The following KIF26B variants were observed in gnomAD, a reference collection of about 807,000 sequenced individuals.
KIF26B encodes kinesin family member 26B, also known as kinesin-like protein KIF26B.
In KIF26B, 63 loss-of-function variants were observed where a neutral mutation model predicts 151.2. The ratio of observed to expected loss-of-function variants is 0.42; its 90% CI spans 0.34 to 0.51. The LOEUF (loss-of-function observed/expected upper bound fraction) is 0.51, where lower values mean the gene tolerates loss of function less well. Among genes scored for constraint, KIF26B ranks in the 20% least tolerant of loss-of-function variants. KIF26B has a pLI of 0.07. For missense variants in KIF26B, 2,813 were observed against 2,913.6 expected (o/e 0.97, Z 0.79); for synonymous variants, 1,357 against 1,262.1 (o/e 1.08, Z -1.59).
In KIF26B at chr1:245,170,278, G is replaced by T. The variant is rs1022370870; in HGVS notation, c.465+13595G>T. 1.3e-5 allele frequency among the ~76,000 whole-genome samples: 2 copies of T among 152,132 alleles called. No homozygotes were observed. The highest frequency in any genetic ancestry group is 1.3e-4 in the Admixed American group (2 of 15,272). ...AGCGCCTTCACCTCGGTGGAGCTTA[G>T]TCTAGGCATTTATGGGTCGGCTGGT... is the stretch of plus-strand genomic sequence containing the variant. On this transcript the variant is annotated intron_variant, in intron 2 of 14. Coordinates refer to ENST00000407071, the MANE Select transcript of KIF26B (RefSeq NM_018012.4). This position sits in a 1 kb window ranked among gnomAD's most constrained non-coding sequence, Gnocchi z 4.4.
intron 5 of KIF26B, among the ~76,000 whole-genome samples, chr1:245,594,475 T>G (rs1383871571): frequency 6.6e-6 from 1 of 152,212 alleles, no homozygotes. Context: ...ACCAGATTAT[T>G]GTAGATGTGT....
chr1:245,282,676 C>G (rs1404003856), intron 2 of KIF26B, among the ~76,000 whole-genome samples: 3 of 152,214 alleles, frequency 2.0e-5, no homozygotes, highest in African/African-American at 7.2e-5. Flanking sequence ...CCTCCAGCCT[C>G]TGTATACCTA....
chr1:245,298,342 T>C (rs1190859093), intron 2 of KIF26B, among the ~76,000 whole-genome samples: 1 of 152,210 alleles, frequency 6.6e-6, no homozygotes, highest in Non-Finnish European at 1.5e-5. Context: ...GGAGAAAGAA[T>C]GAAAGATACG....
rs2043412620 is a variant in KIF26B, at chr1:245,602,847, C to T, written c.1557+64C>T. 2 of 1,477,874 alleles carry T rather than the reference C, an allele frequency of 1.4e-6. No homozygotes were observed. Among genetic ancestry groups the T allele is most frequent in the Admixed American group, 1.7e-5 (1 of 59,656 alleles). 91.5% of individuals were successfully genotyped at this position (1,477,874 alleles called of 1,614,324 possible). ...TGAAAGGGCAACGTTTACTCATTCA[C>T]AAGGGCCCTTGAGCTGGGAGGGTGT... On this transcript the variant is annotated intron_variant, in intron 6 of 14. Coordinates refer to ENST00000407071, the MANE Select transcript of KIF26B (RefSeq NM_018012.4). This position sits in a 1 kb window ranked among gnomAD's most constrained non-coding sequence, Gnocchi z 4.5.
At chr1:245,689,944 A>G (rs1013037472) in intron 12 of KIF26B, among the ~76,000 whole-genome samples, 6 of 152,158 alleles carry the variant, frequency 3.9e-5, no homozygotes, top group Non-Finnish European at 7.3e-5. Flanking sequence ...TGTTAATTGG[A>G]GTCTTGGGTG....
intron 4 of KIF26B, among the ~76,000 whole-genome samples, chr1:245,521,186 A>T (rs1022781454): frequency 2.0e-5 from 3 of 152,056 alleles, no homozygotes; most frequent in African/African-American, 7.3e-5. Context: ...AAATACAAAA[A>T]ATTAGCCAGG....
At position 245,611,867 on chromosome 1, in the gene KIF26B, C is replaced by T; in HGVS notation, c.1989C>T (p.Ser663=). The T allele has an allele frequency of 6.2e-7, 1 of 1,613,892 alleles. No homozygotes were observed. The change falls in exon 9 of 15, where the codon TCC becomes TCT. Residue 663 remains serine, a synonymous_variant. Coordinates refer to ENST00000407071, the MANE Select transcript of KIF26B (RefSeq NM_018012.4). ...AAFFLDAAIA[S]RRSHQQDCDE... ...TTTTCCTGGATGCCGCCATTGCCTC[C>T]CGCAGGAGCCACCAACAGGACTGTG...
intron 9 of KIF26B, among the ~76,000 whole-genome samples, chr1:245,626,364 T>A (rs1411841413): frequency 6.6e-6 from 1 of 151,662 alleles, no homozygotes; most frequent in Non-Finnish European, 1.5e-5. Flanking sequence ...TGTGTAAGAG[T>A]TCCCTTTACT....
chr1:245,298,812 C>T, intron 2 of KIF26B, among the ~76,000 whole-genome samples: 1 of 152,192 alleles, frequency 6.6e-6, no homozygotes, highest in Non-Finnish European at 1.5e-5. Context: ...ATCCAGAAAA[C>T]ATCAGGGATG....
chr1:245,664,662 G>T (rs2044193899), intron 10 of KIF26B, among the ~76,000 whole-genome samples: 1 of 152,016 alleles, frequency 6.6e-6, no homozygotes. Flanking sequence ...CTTAATAAAA[G>T]AAAATACATC....
chr1:245,235,083 G>A (rs1670080354), intron 2 of KIF26B, among the ~76,000 whole-genome samples: 1 of 152,188 alleles, frequency 6.6e-6, no homozygotes, highest in African/African-American at 2.4e-5. Flanking sequence ...ACTGCGCTGG[G>A]TTGAGTTGCC....
At chr1:245,317,072 T>C (rs1309054181) in intron 2 of KIF26B, among the ~76,000 whole-genome samples, 2 of 152,232 alleles carry the variant, frequency 1.3e-5, no homozygotes, top group Non-Finnish European at 2.9e-5. Flanking sequence ...GGAATTTTCC[T>C]GCTGTGTTGT....
intron 2 of KIF26B, among the ~76,000 whole-genome samples, chr1:245,210,311 C>A (rs910859863): frequency 6.6e-6 from 1 of 152,192 alleles, no homozygotes; most frequent in Admixed American, 6.5e-5. Flanking sequence ...TCCAACCAGC[C>A]GGGGCAGCTG....
intron 2 of KIF26B, among the ~76,000 whole-genome samples, chr1:245,230,030 G>A (rs1669959830): frequency 1.3e-5 from 2 of 152,126 alleles, no homozygotes; most frequent in Non-Finnish European, 2.9e-5. Context: ...CTACTCTGGA[G>A]GCTGAGGCAG....
intron 4 of KIF26B, among the ~76,000 whole-genome samples, chr1:245,438,141 G>T (rs1303057746): frequency 2.0e-5 from 3 of 152,100 alleles, no homozygotes; most frequent in Non-Finnish European, 4.4e-5. Context: ...CACCCCAGCT[G>T]GTCTGTTGGA....
At chr1:245,605,296 A>G (rs1397710388) in intron 6 of KIF26B, among the ~76,000 whole-genome samples, 10 of 152,218 alleles carry the variant, frequency 6.6e-5, no homozygotes, top group Non-Finnish European at 1.3e-4. Context: ...GCTGCTGGCC[A>G]GGGCAAACTC....
chr1:245,245,367 C>T (rs907408903), intron 2 of KIF26B, among the ~76,000 whole-genome samples: 2 of 152,180 alleles, frequency 1.3e-5, no homozygotes, highest in African/African-American at 4.8e-5. Flanking sequence ...CCGAGTCTTG[C>T]TGTTGCCCTT....
intron 10 of KIF26B, among the ~76,000 whole-genome samples, chr1:245,649,244 C>T (rs1158497529): frequency 1.3e-5 from 2 of 152,222 alleles, no homozygotes; most frequent in Non-Finnish European, 2.9e-5. Flanking sequence ...AAACTGTCCT[C>T]TTTTGAGGTA....
chr1:245,396,519 C>G (rs1572041013), intron 3 of KIF26B, among the ~76,000 whole-genome samples: 1 of 151,864 alleles, frequency 6.6e-6, no homozygotes, highest in Non-Finnish European at 1.5e-5. Context: ...GCCTGTAATC[C>G]CAGCTACTCA....
Sources: allele counts gnomAD v4.1 joint callset (sites outside exome capture counted in the v4.1 genomes callset), GRCh38; gene constraint gnomAD v4.1.1; non-coding constraint Gnocchi (gnomAD v3.1); transcripts MANE v1.5; gene names NCBI Gene and HGNC (gene_info 2026-07-23, HGNC 2026-07-21).